ADAMTSL1: variants seen among roughly 807,000 people sequenced by gnomAD.
ADAMTSL1 encodes the protein ADAMTS like 1.
Under a neutral mutation model 201.8 loss-of-function variants are expected in ADAMTSL1, and 126 were observed. That is an observed-to-expected ratio of 0.62 (90% CI 0.54 to 0.72). The LOEUF (loss-of-function observed/expected upper bound fraction) is 0.72, where lower values mean the gene tolerates loss of function less well. ADAMTSL1 is among the 30% of genes least tolerant of loss of function. The pLI, the probability that ADAMTSL1 is intolerant of heterozygous loss-of-function variation, is 0.00. For synonymous variants in ADAMTSL1, 1,121 were observed against 903.4 expected, an observed-to-expected ratio of 1.24 and a Z score of -4.32; for missense variants, 2,679 against 2,277.8, an observed-to-expected ratio of 1.18 and a Z score of -3.59.
At chr9:17,996,373 G>C (rs916719589) in intron 1 of ADAMTSL1, among the ~76,000 whole-genome samples, 2 of 152,002 alleles carry the variant, frequency 1.3e-5, no homozygotes, top group African/African-American at 4.8e-5. Context: ...TGGGTTTGGG[G>C]ATAGCAGAGA....
At chr9:18,352,156 AT>A (rs1462120931) in intron 2 of ADAMTSL1, among the ~76,000 whole-genome samples, 2 of 152,128 alleles carry the variant, frequency 1.3e-5, no homozygotes, top group Non-Finnish European at 2.9e-5. Flanking sequence ...CTATAGTGTT[AT>A]CCTTAGTGCA....
chr9:18,222,096 A>G (rs1587343504), intron 2 of ADAMTSL1, among the ~76,000 whole-genome samples: 1 of 151,988 alleles, frequency 6.6e-6, no homozygotes, highest in East Asian at 1.9e-4. Context: ...TAAAATGGCT[A>G]TCTATGATTT....
intron 24 of ADAMTSL1, 37 bp downstream of exon 24, chr9:18,888,080 A>T (rs376458553): frequency 1.3e-6 from 2 of 1,587,704 alleles, no homozygotes; most frequent in Non-Finnish European, 1.7e-6. Flanking sequence ...CTGGACTTGA[A>T]CAAGAAAGCC....
At chr9:18,880,557 G>T (rs1022300639) in intron 23 of ADAMTSL1, among the ~76,000 whole-genome samples, 1 of 152,192 alleles carries the variant, frequency 6.6e-6, no homozygotes, top group Non-Finnish European at 1.5e-5. Context: ...TGAGCAGTAG[G>T]TAACAAAATA....
intron 8 of ADAMTSL1, 119 bp downstream of exon 8, chr9:18,657,869 T>C: frequency 1.3e-6 from 1 of 782,478 alleles, no homozygotes; most frequent in South Asian, 1.7e-5. Flanking sequence ...CCAGATCCTT[T>C]CTTCTGAACA....
At chr9:18,266,080 G>C (rs567600113) in intron 2 of ADAMTSL1, among the ~76,000 whole-genome samples, 1 of 152,176 alleles carries the variant, frequency 6.6e-6, no homozygotes, top group South Asian at 2.1e-4. Flanking sequence ...GACCACTCTG[G>C]CTTATAGCAT....
At chr9:18,632,084 C>A (rs1158898495) in intron 5 of ADAMTSL1, among the ~76,000 whole-genome samples, 1 of 152,122 alleles carries the variant, frequency 6.6e-6, no homozygotes, top group Admixed American at 6.6e-5. Flanking sequence ...GCCCCTGCCT[C>A]GCCAGCTATA....
chr9:18,775,664 G>A, intron 17 of ADAMTSL1, 79 bp from the exon 18 acceptor site: 1 of 1,522,050 alleles, frequency 6.6e-7, no homozygotes, highest in Non-Finnish European at 8.9e-7. Context: ...CTCATATTTT[G>A]ATGAGTTTGA....
intron 1 of ADAMTSL1, among the ~76,000 whole-genome samples, chr9:18,067,421 C>T (rs943896592): frequency 9.9e-5 from 15 of 152,174 alleles, no homozygotes; most frequent in African/African-American, 3.6e-4. Context: ...TTCTAGAGGG[C>T]CTTTTGCCAT....
intron 14 of ADAMTSL1, among the ~76,000 whole-genome samples, chr9:18,720,075 G>A (rs1208969521): frequency 6.6e-6 from 1 of 152,176 alleles, no homozygotes; most frequent in Non-Finnish European, 1.5e-5. Context: ...AGGCAAATTA[G>A]TGAGAATGTC....
At chr9:18,601,782 A>G (rs978898092) in intron 4 of ADAMTSL1, among the ~76,000 whole-genome samples, 19 of 151,534 alleles carry the variant, frequency 1.3e-4, no homozygotes, top group Non-Finnish European at 2.5e-4. Flanking sequence ...ATTATAATAT[A>G]CATTATATAT....
chr9:18,018,884 G>A (rs1346371504), intron 1 of ADAMTSL1, among the ~76,000 whole-genome samples: 1 of 152,036 alleles, frequency 6.6e-6, no homozygotes, highest in South Asian at 2.1e-4. Context: ...CTGGAAGTGG[G>A]AGCATTGCCA....
intron 3 of ADAMTSL1, among the ~76,000 whole-genome samples, chr9:18,547,479 T>C (rs986398934): frequency 6.6e-6 from 1 of 151,834 alleles, no homozygotes; most frequent in African/African-American, 2.4e-5. Context: ...GCTCCAAGAC[T>C]GAAATAAAGC....
At chr9:18,458,445 G>C (rs759010480) in intron 2 of ADAMTSL1, among the ~76,000 whole-genome samples, 2 of 152,132 alleles carry the variant, frequency 1.3e-5, no homozygotes, top group Non-Finnish European at 2.9e-5. Context: ...GCCCACAGTT[G>C]AAAAATAATG....
intron 15 of ADAMTSL1, among the ~76,000 whole-genome samples, chr9:18,738,395 G>T (rs1025685070): frequency 6.6e-6 from 1 of 152,106 alleles, no homozygotes; most frequent in Non-Finnish European, 1.5e-5. Context: ...AGAGGGTAAG[G>T]GGTCAACTAG....
At chr9:18,403,005 G>T (rs1818043561) in intron 2 of ADAMTSL1, among the ~76,000 whole-genome samples, 1 of 152,060 alleles carries the variant, frequency 6.6e-6, no homozygotes, top group Admixed American at 6.6e-5. Context: ...GGAAGCCAGG[G>T]GTTTGTGACT....
chr9:17,972,094 A>G (rs906653750), intron 1 of ADAMTSL1, among the ~76,000 whole-genome samples: 3 of 151,682 alleles, frequency 2.0e-5, no homozygotes, highest in African/African-American at 4.8e-5. Flanking sequence ...TCTCACAGTG[A>G]CCTATTTTTT....
chr9:18,024,244 T>A (rs1189283435), intron 1 of ADAMTSL1, among the ~76,000 whole-genome samples: 1 of 152,092 alleles, frequency 6.6e-6, no homozygotes, highest in Non-Finnish European at 1.5e-5. Context: ...AAATAGTGTT[T>A]TATTTATTTA....
At chr9:18,606,814 G>A (rs1375626930) in intron 4 of ADAMTSL1, among the ~76,000 whole-genome samples, 1 of 152,154 alleles carries the variant, frequency 6.6e-6, no homozygotes, top group Admixed American at 6.6e-5. Flanking sequence ...AGTTTGGTAA[G>A]TGAGAACCAT....
Sources: gnomAD v4.1 joint callset for allele counts (sites outside exome capture counted in the v4.1 genomes callset) on GRCh38, gnomAD v4.1.1 for gene constraint, MANE v1.5 for transcripts, NCBI Gene and HGNC (gene_info 2026-07-23, HGNC 2026-07-21) for gene names.